LIN7A: variants seen among roughly 807,000 people sequenced by gnomAD.
LIN7A encodes the protein protein lin-7 homolog A.
Under a neutral mutation model 29.8 loss-of-function variants are expected in LIN7A, and 25 were observed. The observed-to-expected ratio is 0.84, with a 90% confidence interval of 0.61 to 1.17. LIN7A has a LOEUF of 1.17. LIN7A is among the 50% of genes most tolerant of loss of function. The probability of loss-of-function intolerance (pLI) is 0.00; values close to 1 mark genes in which losing one functional copy is unlikely to be tolerated. For synonymous variants in LIN7A, 118 were observed against 107.5 expected (o/e 1.10, Z -0.60); for missense variants, 239 against 287.0 (o/e 0.83, Z 1.21).
intron 4 of LIN7A, among the ~76,000 whole-genome samples, chr12:80,814,694 C>T (rs984381761): frequency 1.3e-5 from 2 of 152,144 alleles, no homozygotes; most frequent in East Asian, 3.8e-4. Context: ...GCAAAACCAT[C>T]AAGGTTATCC....
chr12:80,927,224 T>C (rs759181661), intron 1 of LIN7A, among the ~76,000 whole-genome samples: 1 of 135,786 alleles, frequency 7.4e-6, no homozygotes, highest in Non-Finnish European at 1.5e-5. Context: ...TGCAGTGGCG[T>C]GATCTCGGCT....
At chr12:80,826,949 C>A (rs1196505575) in intron 4 of LIN7A, among the ~76,000 whole-genome samples, 4 of 152,178 alleles carry the variant, frequency 2.6e-5, no homozygotes, top group African/African-American at 9.7e-5. Context: ...TGATACCTAG[C>A]ACAGTGCACA....
intron 2 of LIN7A, among the ~76,000 whole-genome samples, chr12:80,887,558 G>C (rs1272640764): frequency 6.6e-6 from 1 of 152,036 alleles, no homozygotes; most frequent in Non-Finnish European, 1.5e-5. Flanking sequence ...TCTTCTGCCT[G>C]GAACACTATG....
chr12:80,876,052 TACACACACAC>T (rs67035673), intron 2 of LIN7A, among the ~76,000 whole-genome samples: 5 of 148,116 alleles, frequency 3.4e-5, no homozygotes, highest in East Asian at 4.0e-4. Context: ...ATTATTTTTA[TACACACACAC>T]ACACACACAC....
intron 1 of LIN7A, among the ~76,000 whole-genome samples, chr12:80,901,270 T>A (rs1248493781): frequency 6.6e-6 from 1 of 152,176 alleles, no homozygotes; most frequent in East Asian, 1.9e-4. Flanking sequence ...TGACCTCAAT[T>A]GATTTTAGAT....
chr12:80,804,840 C>T (rs1870900122), intron 5 of LIN7A, among the ~76,000 whole-genome samples: 1 of 152,102 alleles, frequency 6.6e-6, no homozygotes, highest in African/African-American at 2.4e-5. Context: ...AGGTGTGAGC[C>T]ACCGTGCCTG....
intron 2 of LIN7A, among the ~76,000 whole-genome samples, chr12:80,859,159 C>A (rs181529126): frequency 6.6e-6 from 1 of 151,960 alleles, no homozygotes; most frequent in Admixed American, 6.6e-5. Context: ...TTTGACACAC[C>A]GTTAATACTG....
At chr12:80,880,709 A>G (rs762145416) in intron 2 of LIN7A, among the ~76,000 whole-genome samples, 2 of 151,452 alleles carry the variant, frequency 1.3e-5, no homozygotes, top group Non-Finnish European at 2.9e-5. Flanking sequence ...TTTTTGTTCC[A>G]TTAGGAGTTT....
At chr12:80,826,342 AG>A (rs1305372009) in intron 4 of LIN7A, among the ~76,000 whole-genome samples, 1 of 152,156 alleles carries the variant, frequency 6.6e-6, no homozygotes. Flanking sequence ...TAGCCACCCA[AG>A]TTGGACCCTC....
At chr12:80,898,971 T>TTTTC (rs1439365515) in intron 1 of LIN7A, among the ~76,000 whole-genome samples, 1 of 152,190 alleles carries the variant, frequency 6.6e-6, no homozygotes, top group African/African-American at 2.4e-5. Context: ...TTTGGATGCC[T>TTTTC]TTTCTTTCTT....
chr12:80,892,533 C>T (rs1376848411), intron 1 of LIN7A, among the ~76,000 whole-genome samples: 5 of 152,058 alleles, frequency 3.3e-5, no homozygotes, highest in Admixed American at 2.0e-4. Context: ...ATGATACTAT[C>T]CTGAATATTT....
intron 2 of LIN7A, among the ~76,000 whole-genome samples, chr12:80,850,236 T>C (rs1873264484): frequency 6.6e-6 from 1 of 152,184 alleles, no homozygotes; most frequent in Non-Finnish European, 1.5e-5. Context: ...TTTAATTGTA[T>C]GATGTTTGTC....
chr12:80,867,361 A>T (rs1592909009), intron 2 of LIN7A, among the ~76,000 whole-genome samples: 6 of 152,084 alleles, frequency 3.9e-5, no homozygotes, highest in Admixed American at 3.9e-4. Flanking sequence ...GGGAAATTAG[A>T]CCATGACCCC....
At chr12:80,833,103 A>C (rs1322276328) in intron 4 of LIN7A, among the ~76,000 whole-genome samples, 1 of 152,244 alleles carries the variant, frequency 6.6e-6, no homozygotes, top group Admixed American at 6.5e-5. Flanking sequence ...AAATGCTGTC[A>C]GTTTGATAGA....
At chr12:80,890,703 A>G (rs1242774792) in intron 1 of LIN7A, among the ~76,000 whole-genome samples, 1 of 152,172 alleles carries the variant, frequency 6.6e-6, no homozygotes, top group Non-Finnish European at 1.5e-5. Context: ...GCCAGTTTCC[A>G]AAGTCTGTCT....
intron 4 of LIN7A, among the ~76,000 whole-genome samples, chr12:80,826,035 A>G (rs1293906409): frequency 2.0e-5 from 3 of 152,228 alleles, no homozygotes; most frequent in Non-Finnish European, 1.5e-5. Flanking sequence ...ACCATGAATA[A>G]TAAAACATTA....
At chr12:80,811,718 G>C in intron 4 of LIN7A, 35 bp from the exon 5 acceptor site, 1 of 1,576,028 alleles carries the variant, frequency 6.3e-7, no homozygotes. Context: ...AAGGGAGGAG[G>C]TTCAATGTTC....
chr12:80,850,999 C>A (rs1361135873), intron 2 of LIN7A, among the ~76,000 whole-genome samples: 1 of 152,150 alleles, frequency 6.6e-6, no homozygotes, highest in African/African-American at 2.4e-5. Flanking sequence ...CCGATGACCA[C>A]ACAGCTAATT....
At chr12:80,831,668 T>C in intron 4 of LIN7A, among the ~76,000 whole-genome samples, 1 of 152,200 alleles carries the variant, frequency 6.6e-6, no homozygotes, top group Non-Finnish European at 1.5e-5. Flanking sequence ...CATAACATGA[T>C]GTGTGGTGTG....
Sources: gnomAD v4.1 joint callset for allele counts (sites outside exome capture counted in the v4.1 genomes callset) on GRCh38, gnomAD v4.1.1 for gene constraint, MANE v1.5 for transcripts, NCBI Gene and HGNC (gene_info 2026-07-23, HGNC 2026-07-21) for gene names.